The following NKD1 variants were observed in gnomAD, a reference collection of about 807,000 sequenced individuals.
NKD1 encodes NKD inhibitor of Wnt signaling pathway 1, also known as protein naked cuticle homolog 1.
A neutral mutation model predicts 56.0 loss-of-function variants in NKD1; 21 were observed. The ratio of observed to expected loss-of-function variants is 0.38; its 90% CI spans 0.27 to 0.54. NKD1 has a LOEUF of 0.54. NKD1 is among the 20% of genes least tolerant of loss of function. NKD1 has a pLI of 0.82. For synonymous variants in NKD1, 263 were observed against 265.7 expected, an observed-to-expected ratio of 0.99 and a Z score of 0.10; for missense variants, 578 against 642.7, an observed-to-expected ratio of 0.90 and a Z score of 1.09.
At position 50,587,756 on chromosome 16, in the gene NKD1, A is replaced by C. The variant is rs978090046; in HGVS notation, c.193-20538A>C. On this transcript the variant is annotated intron_variant, in intron 3 of 9. Transcript: ENST00000268459. ...GGTGGGTACAGGTCTGTGGCCTATTAGGAACTGGGCAGCACTACAGGAGGT... is the reference window on the plus strand; with the variant it reads ...GGTGGGTACAGGTCTGTGGCCTATTCGGAACTGGGCAGCACTACAGGAGGT... Among the ~76,000 whole-genome samples, 3 of 152,188 alleles carry C rather than the reference A, an allele frequency of 2.0e-5. No homozygotes were observed. In the East Asian group the frequency reaches 5.8e-4, roughly 29 times the overall value.
At chr16:50,550,816 G>A (rs913370072) in intron 3 of NKD1, among the ~76,000 whole-genome samples, 7 of 152,270 alleles carry the variant, frequency 4.6e-5, no homozygotes, top group Non-Finnish European at 7.3e-5. Context: ...TAATTTAGCC[G>A]TATGAACAAA....
chr16:50,626,505 G>A (rs1962218307), intron 6 of NKD1, among the ~76,000 whole-genome samples: 1 of 152,164 alleles, frequency 6.6e-6, no homozygotes, highest in Non-Finnish European at 1.5e-5. Context: ...GCACAGCCTT[G>A]GGGGAGTCCT....
At chr16:50,626,112 C>A (rs1962207973) in intron 6 of NKD1, among the ~76,000 whole-genome samples, 1 of 152,234 alleles carries the variant, frequency 6.6e-6, no homozygotes, top group Non-Finnish European at 1.5e-5. Flanking sequence ...CAGCTCTGGT[C>A]ACAGCCTCGT....
At position 50,548,701 on chromosome 16, in the gene NKD1, C is replaced by G. The variant is rs374097711; in HGVS notation, c.26-16C>G. 4 of 1,465,434 alleles carry G rather than the reference C, an allele frequency of 2.7e-6. No individual in the cohort carries two copies. The highest frequency in any genetic ancestry group is 3.0e-5 in the African/African-American group (2 of 67,536). The allele number at this position is 1,465,434 out of a possible 1,614,324, so 90.8% of individuals were successfully genotyped here. A position where few individuals can be genotyped will look rare whatever the true frequency, so the allele number is the denominator to read the frequency against. ...GCGGCTGCCGCCGCCGCCGCCGCCT[C>G]GCGATGTGCCTGCAGCCGCCGTGTG... is the stretch of plus-strand genomic sequence containing the variant. On this transcript the variant is annotated splice_polypyrimidine_tract_variant and intron_variant, in intron 1 of 9. Transcript: ENST00000268459.
At position 50,648,529 on chromosome 16, in the gene NKD1, C is replaced by T. The variant is rs1202358755; in HGVS notation, c.*14748C>T. On this transcript the variant is annotated 3_prime_UTR_variant, in exon 10 of 10. Coordinates refer to ENST00000268459, the MANE Select transcript of NKD1 (RefSeq NM_033119.5). ...ATTTCATTGCTACCTTTCTTGACTT[C>T]TTGATTGTTTTTGTGATACTGACAC... 6.6e-6 allele frequency: 1 copy of T among 152,302 alleles called. No homozygotes were observed. The highest frequency in any genetic ancestry group is 1.5e-5 in the Non-Finnish European group (1 of 68,052). The allele number at this position is 152,302 out of a possible 1,614,324, so 9.4% of individuals were successfully genotyped here.
chr16:50,611,907 C>T (rs1961856839), intron 4 of NKD1, among the ~76,000 whole-genome samples: 1 of 152,140 alleles, frequency 6.6e-6, no homozygotes, highest in African/African-American at 2.4e-5. Flanking sequence ...GTGCCCAGCA[C>T]ACTTGAGCTG....
intron 3 of NKD1, chr16:50,551,818 A>C (rs1443781487): frequency 6.6e-6 from 1 of 152,192 alleles, no homozygotes; most frequent in African/African-American, 2.4e-5. Context: ...AAAAGAGTCT[A>C]ACGTGAAGTC....
chr16:50,622,224 G>A (rs1260592889), intron 5 of NKD1, among the ~76,000 whole-genome samples: 1 of 152,232 alleles, frequency 6.6e-6, no homozygotes, highest in Non-Finnish European at 1.5e-5. Flanking sequence ...GGAGGGAGTA[G>A]CAGCTGTGGG....
Position 50,633,337 on chromosome 16 carries a change from C to A in NKD1, c.969C>A (p.Thr323=). 1 of 1,614,154 alleles carries A rather than the reference C, an allele frequency of 6.2e-7. No individual in the cohort carries two copies. The change falls in exon 10 of 10, where the codon ACC becomes ACA. Residue 323 remains threonine, a synonymous_variant. Coordinates refer to ENST00000268459, the MANE Select transcript of NKD1 (RefSeq NM_033119.5). This position sits in a 1 kb window ranked among gnomAD's most constrained non-coding sequence, Gnocchi z 4.9. ...VDPASFHFLD[T]PIAKVSELQQ... is the part of the protein sequence containing the mutation. ...CGGCCTCCTTCCACTTCCTTGACACCCCAATCGCCAAGGTCTCAGAGCTCC... is the reference window on the plus strand; with the variant it reads ...CGGCCTCCTTCCACTTCCTTGACACACCAATCGCCAAGGTCTCAGAGCTCC...
chr16:50,559,476 T>C lies in NKD1; in HGVS notation c.192+9921T>C, dbSNP rs1960575485. Among the ~76,000 whole-genome samples the C allele has an allele frequency of 2.0e-5, 3 of 151,642 alleles. No homozygotes were observed. In the South Asian group the frequency reaches 6.3e-4, roughly 32 times the overall value. ...TGCAAAGGGCAAGAGGCATGCAGGG[T>C]TGGTGCACAGAGAAAGTGTTCAGCC... On this transcript the variant is annotated intron_variant, in intron 3 of 9. Coordinates refer to ENST00000268459, the MANE Select transcript of NKD1 (RefSeq NM_033119.5).
Position 50,587,850 on chromosome 16 carries a change from A to G in NKD1, c.193-20444A>G, listed in dbSNP as rs377672824. On this transcript the variant is annotated intron_variant, in intron 3 of 9. Coordinates refer to ENST00000268459, the MANE Select transcript of NKD1 (RefSeq NM_033119.5). ...AGATTCTCACAGAAGTGCAAACCCT[A>G]TCGTGAACTGTGCATACAAGGGATC... is the stretch of plus-strand genomic sequence containing the variant. 2.5e-4 allele frequency among the ~76,000 whole-genome samples: 38 copies of G among 152,366 alleles called. 1 individual carries two copies. The South Asian group carries it at 6.4e-3, about 26-fold the overall frequency.
chr16:50,620,833 A>G (rs1399015589), intron 4 of NKD1, among the ~76,000 whole-genome samples: 1 of 152,114 alleles, frequency 6.6e-6, no homozygotes, highest in African/African-American at 2.4e-5. Context: ...ACCCTCCCAC[A>G]TTTCCTGGCA....
chr16:50,575,100 T>G (rs1227332501), intron 3 of NKD1: 4 of 985,080 alleles, frequency 4.1e-6, no homozygotes, highest in Non-Finnish European at 4.8e-6. Flanking sequence ...TAGGTGTTTT[T>G]TTTTTTTTTC....
intron 3 of NKD1, among the ~76,000 whole-genome samples, chr16:50,588,917 C>T (rs1470542022): frequency 2.0e-5 from 3 of 152,038 alleles, no homozygotes; most frequent in African/African-American, 7.2e-5. Flanking sequence ...TATTTCTTAA[C>T]TACTGTCTGC....
intron 6 of NKD1, among the ~76,000 whole-genome samples, 186 bp from the exon 7 acceptor site, chr16:50,630,000 C>T (rs1208524944): frequency 6.6e-6 from 1 of 152,180 alleles, no homozygotes; most frequent in Non-Finnish European, 1.5e-5. Context: ...TCTCTCCCTG[C>T]TCCCTCATTT....
At chr16:50,618,954 G>A (rs932935686) in intron 4 of NKD1, among the ~76,000 whole-genome samples, 1 of 152,210 alleles carries the variant, frequency 6.6e-6, no homozygotes. Context: ...TCCGTGCACG[G>A]TGGAGGAAGA....
intron 3 of NKD1, chr16:50,571,479 A>T: frequency 2.0e-6 from 2 of 985,368 alleles, no homozygotes; most frequent in Non-Finnish European, 2.4e-6. Flanking sequence ...TCACACACCC[A>T]AACAGCCTGT....
chr16:50,633,607 C>T lies in NKD1; in HGVS notation c.1239C>T (p.Cys413=). The T allele has an allele frequency of 6.2e-7, 1 of 1,610,648 alleles. No individual in the cohort carries two copies. Among genetic ancestry groups the T allele is most frequent in the Non-Finnish European group, 8.5e-7 (1 of 1,179,112 alleles). The change falls in exon 10 of 10, where the codon TGC becomes TGT. Residue 413 remains cysteine, a synonymous_variant. Coordinates refer to ENST00000268459, the MANE Select transcript of NKD1 (RefSeq NM_033119.5). The surrounding 1 kb of genome is among the most constrained non-coding windows in gnomAD (Gnocchi z 4.9). The stretch of plus-strand genomic sequence containing the variant: ...GAGCCAAGGAGAGCCAGCAGGGCTG[C>T]CGGGGCCTGCAGGCACCACTGGCCT... ...KHRAKESQQG[C]RGLQAPLASG...
At chr16:50,614,371 C>T (rs138914083) in intron 4 of NKD1, among the ~76,000 whole-genome samples, 25 of 152,258 alleles carry the variant, frequency 1.6e-4, no homozygotes, top group Middle Eastern at 6.8e-3. Flanking sequence ...CACGCACACA[C>T]ACACACTCAC....
Sources: gnomAD v4.1 joint callset for allele counts (sites outside exome capture counted in the v4.1 genomes callset) on GRCh38, gnomAD v4.1.1 for gene constraint, Gnocchi (gnomAD v3.1) non-coding constraint, MANE v1.5 for transcripts, NCBI Gene and HGNC (gene_info 2026-07-23, HGNC 2026-07-21) for gene names.